EYS: variants seen among roughly 807,000 people sequenced by gnomAD.
The protein encoded by EYS is EGF-like photoreceptor maintenance factor, also known as protein eyes shut homolog.
Under a neutral mutation model 282.1 loss-of-function variants are expected in EYS, and 250 were observed. The observed-to-expected ratio is 0.89, with a 90% CI of 0.80 to 0.98. The LOEUF (loss-of-function observed/expected upper bound fraction) is 0.98, where lower values mean the gene tolerates loss of function less well. Ranked by LOEUF, EYS falls within the 50% of genes least tolerant of loss-of-function variation. The pLI, the probability that EYS is intolerant of heterozygous loss-of-function variation, is 0.00. For missense variants in EYS, 4,016 were observed against 3,709.0 expected (o/e 1.08, Z -2.15); for synonymous variants, 1,355 against 1,282.9 (o/e 1.06, Z -1.20).
intron 7 of EYS, among the ~76,000 whole-genome samples, chr6:65,392,110 C>T (rs544940534): frequency 5.1e-4 from 78 of 152,242 alleles, no homozygotes; most frequent in African/African-American, 1.9e-3. Flanking sequence ...GGGAAACTGG[C>T]TAGCCATATG....
At chr6:64,496,009 C>A (rs1776878042) in intron 26 of EYS, among the ~76,000 whole-genome samples, 6 of 151,744 alleles carry the variant, frequency 4.0e-5, no homozygotes, top group Admixed American at 2.6e-4. Context: ...CTAGAAGAGG[C>A]AACATTTACT....
At chr6:64,169,711 C>G (rs577611358) in intron 31 of EYS, among the ~76,000 whole-genome samples, 9 of 152,030 alleles carry the variant, frequency 5.9e-5, no homozygotes, top group African/African-American at 2.2e-4. Context: ...CTGCTTGGCT[C>G]TTTATTGTTC....
intron 12 of EYS, among the ~76,000 whole-genome samples, chr6:65,087,401 T>A (rs1774415629): frequency 6.6e-6 from 1 of 152,148 alleles, no homozygotes; most frequent in African/African-American, 2.4e-5. Flanking sequence ...TTTCTTAGTT[T>A]TCCTGTGTGC....
At chr6:64,807,870 G>T (rs1764478622) in intron 22 of EYS, among the ~76,000 whole-genome samples, 1 of 151,944 alleles carries the variant, frequency 6.6e-6, no homozygotes, top group Admixed American at 6.6e-5. Flanking sequence ...AAAACATACT[G>T]CCTATGTATT....
At chr6:64,126,781 A>G (rs780676206) in intron 31 of EYS, among the ~76,000 whole-genome samples, 2 of 151,876 alleles carry the variant, frequency 1.3e-5, no homozygotes, top group Non-Finnish European at 2.9e-5. Flanking sequence ...TAATAATTGC[A>G]TGTTTATATA....
At position 64,792,858 on chromosome 6, in the gene EYS, G is replaced by T. The variant is rs1245945833; in HGVS notation, c.3443+20520C>A. The stretch of plus-strand genomic sequence containing the variant: ...TTTTAATTTCATACGATCTTGACAC[G>T]TGTGTGTGTGTGTGTGTGTTAGATG... On this transcript the variant is annotated intron_variant, in intron 22 of 42. Coordinates refer to ENST00000503581, the MANE Select transcript of EYS (RefSeq NM_001142800.2). Among the ~76,000 whole-genome samples, 3 of 56,892 alleles carry T rather than the reference G, an allele frequency of 5.3e-5. No homozygotes were observed. In the East Asian group the frequency reaches 1.4e-3, roughly 27 times the overall value. 37.3% of individuals were successfully genotyped at this position (56,892 alleles called of 152,430 possible). A position where few individuals can be genotyped will look rare whatever the true frequency, so the allele number is the denominator to read the frequency against.
chr6:65,586,908 T>G (rs931999125), intron 2 of EYS, among the ~76,000 whole-genome samples: 1 of 152,084 alleles, frequency 6.6e-6, no homozygotes. Context: ...TCAGTACGAT[T>G]TTTTTTCTTA....
chr6:64,539,642 T>A (rs2149798229), intron 26 of EYS, among the ~76,000 whole-genome samples: 1 of 152,284 alleles, frequency 6.6e-6, no homozygotes, highest in East Asian at 1.9e-4. Flanking sequence ...AAGGTGATGC[T>A]GATGCCACTG....
chr6:64,899,662 A>G (rs148637254), intron 18 of EYS, among the ~76,000 whole-genome samples: 1 of 151,846 alleles, frequency 6.6e-6, no homozygotes, highest in Non-Finnish European at 1.5e-5. Flanking sequence ...ACCTAGGAAT[A>G]CAACTTACAA....
intron 15 of EYS, among the ~76,000 whole-genome samples, chr6:64,936,730 A>G (rs1045333470): frequency 8.6e-5 from 13 of 151,450 alleles, no homozygotes; most frequent in African/African-American, 1.4e-4. Flanking sequence ...ACAAGTATAC[A>G]TAGGAAACAA....
chr6:65,318,962 A>T (rs1251244582), intron 11 of EYS, among the ~76,000 whole-genome samples: 1 of 151,488 alleles, frequency 6.6e-6, no homozygotes, highest in Non-Finnish European at 1.5e-5. Flanking sequence ...TTTGTTGTGA[A>T]TTCTATTTTT....
chr6:63,881,947 A>T (rs1274249016), intron 35 of EYS, among the ~76,000 whole-genome samples: 2 of 152,204 alleles, frequency 1.3e-5, no homozygotes, highest in African/African-American at 4.8e-5. Flanking sequence ...TGACTATTCT[A>T]TAGGATTTTT....
chr6:64,405,694 A>G (rs1773684832), intron 28 of EYS, among the ~76,000 whole-genome samples: 1 of 152,170 alleles, frequency 6.6e-6, no homozygotes, highest in South Asian at 2.1e-4. Context: ...ACAGACAAAC[A>G]GAGAGCCAAA....
intron 22 of EYS, among the ~76,000 whole-genome samples, chr6:64,698,417 A>G (rs969483689): frequency 1.3e-5 from 2 of 152,124 alleles, no homozygotes; most frequent in African/African-American, 4.8e-5. Flanking sequence ...AAATTAAAAG[A>G]CCATCAGTTG....
At chr6:65,553,758 G>C (rs902561739) in intron 2 of EYS, among the ~76,000 whole-genome samples, 1 of 151,944 alleles carries the variant, frequency 6.6e-6, no homozygotes, top group African/African-American at 2.4e-5. Flanking sequence ...AGAACATGAG[G>C]TGTTCTGTAC....
At chr6:64,078,937 G>C (rs1339127800) in intron 32 of EYS, among the ~76,000 whole-genome samples, 2 of 152,042 alleles carry the variant, frequency 1.3e-5, no homozygotes, top group Non-Finnish European at 2.9e-5. Context: ...CCCAGAGCAG[G>C]ATAATTCCCA....
At chr6:63,991,180 C>A (rs1462685912) in intron 34 of EYS, among the ~76,000 whole-genome samples, 1 of 151,610 alleles carries the variant, frequency 6.6e-6, no homozygotes, top group Non-Finnish European at 1.5e-5. Flanking sequence ...GGCACAAGTT[C>A]AGGGAAGACA....
intron 33 of EYS, among the ~76,000 whole-genome samples, chr6:64,043,567 C>T (rs1044649424): frequency 3.9e-5 from 6 of 152,184 alleles, no homozygotes; most frequent in East Asian, 1.9e-4. Flanking sequence ...GGTTCTGACA[C>T]GAATATGCCC....
chr6:63,836,132 G>C (rs973047318), intron 36 of EYS, among the ~76,000 whole-genome samples: 1 of 151,998 alleles, frequency 6.6e-6, no homozygotes, highest in Non-Finnish European at 1.5e-5. Flanking sequence ...CTAACACTTT[G>C]AGAAATTGCT....
Sources: gnomAD v4.1 joint callset for allele counts (sites outside exome capture counted in the v4.1 genomes callset) on GRCh38, gnomAD v4.1.1 for gene constraint, MANE v1.5 for transcripts, NCBI Gene and HGNC (gene_info 2026-07-23, HGNC 2026-07-21) for gene names.